The following CLCA1 variants were observed in gnomAD, a reference collection of about 807,000 sequenced individuals.
CLCA1 encodes the protein chloride channel accessory 1.
Under a neutral mutation model 85.6 loss-of-function variants are expected in CLCA1, and 59 were observed. That is an observed-to-expected ratio of 0.69 (90% confidence interval 0.56 to 0.86). CLCA1 has a LOEUF of 0.86. Ranked by LOEUF, CLCA1 falls within the 40% of genes least tolerant of loss-of-function variation. The pLI is 0.00. For missense variants in CLCA1, 1,022 were observed against 1,101.4 expected (o/e 0.93, Z 1.02); for synonymous variants, 396 against 398.3 (o/e 0.99, Z 0.07).
intron 1 of CLCA1, 79 bp downstream of exon 1, chr1:86,469,212 A>G: frequency 1.0e-6 from 1 of 976,154 alleles, no homozygotes. Flanking sequence ...GCCCTATTCC[A>G]GCTGCACGAC....
chr1:86,471,434 A>T (rs1647496976), intron 1 of CLCA1, among the ~76,000 whole-genome samples: 1 of 152,132 alleles, frequency 6.6e-6, no homozygotes, highest in South Asian at 2.1e-4. Context: ...CTAAATATGT[A>T]TTAGGATATG....
Position 86,469,090 on chromosome 1 carries a change from A to G in CLCA1, c.119A>G (p.Asp40Gly), listed in dbSNP as rs1320094890. Reference sequence around the variant, plus strand: ...TATGAAGGCATTGTCGTTGCAATCGACCCCAATGTGCCAGAAGATGAAACA... The same window carrying G: ...TATGAAGGCATTGTCGTTGCAATCGGCCCCAATGTGCCAGAAGATGAAACA... The part of the protein sequence containing the change: ...NGYEGIVVAI[D>G]PNVPEDETLI... The change falls in exon 1 of 14, where the codon GAC becomes GGC. Residue 40 changes from aspartate to glycine, a missense_variant. Transcript: ENST00000394711. 6.2e-7 allele frequency: 1 copy of G among 1,611,756 alleles called. No homozygotes were observed. The highest frequency in any genetic ancestry group is 8.5e-7 in the Non-Finnish European group (1 of 1,178,686).
chr1:86,488,389 C>A (rs1648042890), intron 7 of CLCA1, among the ~76,000 whole-genome samples: 2 of 152,104 alleles, frequency 1.3e-5, no homozygotes, highest in African/African-American at 4.8e-5. Context: ...AATAAATAAT[C>A]CAAATATACC....
Position 86,486,516 on chromosome 1 carries a change from C to T in CLCA1, c.955-10C>T, listed in dbSNP as rs201143830. 6.0e-5 allele frequency: 96 copies of T among 1,611,550 alleles called. No individual in the cohort carries two copies. The highest frequency in any genetic ancestry group is 7.7e-5 in the Non-Finnish European group (91 of 1,178,774). ...AACGTAACCTGTTTTTCTTTTGCTT[C>T]TCCATTTAGACTGGTAACCGCCTCA... On this transcript the variant is annotated splice_polypyrimidine_tract_variant and intron_variant, in intron 6 of 13. Transcript: ENST00000394711.
chr1:86,482,460 G>T (rs1647845705), intron 5 of CLCA1, 78 bp downstream of exon 5: 1 of 1,349,692 alleles, frequency 7.4e-7, no homozygotes, highest in South Asian at 1.4e-5. Context: ...CTCCAAGGGA[G>T]AATCAAAGTT....
At chr1:86,481,980 C>T (rs1407547080) in intron 4 of CLCA1, among the ~76,000 whole-genome samples, 2 of 152,182 alleles carry the variant, frequency 1.3e-5, no homozygotes, top group African/African-American at 2.4e-5. Flanking sequence ...TTTTCTGCTG[C>T]GTAGAAATAC....
At chr1:86,493,239 T>C in intron 9 of CLCA1, 145 bp from the exon 10 acceptor site, 1 of 644,384 alleles carries the variant, frequency 1.6e-6, no homozygotes, top group South Asian at 1.9e-5. Context: ...TAGAACTGCA[T>C]CATAATTGCT....
chr1:86,485,371 A>G lies in CLCA1; in HGVS notation c.764A>G (p.His255Arg). The change falls in exon 6 of 14, where the codon CAC becomes CGC. Residue 255 changes from histidine to arginine, a missense_variant. By Grantham distance (29) the His-to-Arg change is conservative. Coordinates refer to ENST00000394711, the MANE Select transcript of CLCA1 (RefSeq NM_001285.4). Reference sequence around the variant, plus strand: ...GTTGAATTCTGTACAGAACAAAACCACAACAAAGAAGCTCCAAACAAGCAA... The same window carrying G: ...GTTGAATTCTGTACAGAACAAAACCGCAACAAAGAAGCTCCAAACAAGCAA... ...SIVEFCTEQN[H>R]NKEAPNKQNQ... 6.8e-6 allele frequency: 11 copies of G among 1,614,092 alleles called. No individual in the cohort carries two copies. Among genetic ancestry groups the G allele is most frequent in the East Asian group, 2.2e-5 (1 of 44,884 alleles).
At chr1:86,499,609 TTAA>T (rs1250438669) in intron 13 of CLCA1, 42 bp from the exon 14 acceptor site, 3 of 1,306,454 alleles carry the variant, frequency 2.3e-6, no homozygotes, top group Non-Finnish European at 3.2e-6. Context: ...AGAAGTTTCT[TTAA>T]TATTTCAGAA....
At chr1:86,476,650 T>G in intron 4 of CLCA1, 97 bp downstream of exon 4, 1 of 546,920 alleles carries the variant, frequency 1.8e-6, no homozygotes, top group Non-Finnish European at 3.3e-6. Flanking sequence ...CCTGGCTTAT[T>G]TTCTAATTCA....
At chr1:86,479,542 G>A (rs1304297223) in intron 4 of CLCA1, among the ~76,000 whole-genome samples, 1 of 151,974 alleles carries the variant, frequency 6.6e-6, no homozygotes, top group African/African-American at 2.4e-5. Flanking sequence ...AAGTAATAAA[G>A]GGAATTCTTA....
Position 86,489,257 on chromosome 1 carries a change from G to A in CLCA1, c.1357+87G>A, listed in dbSNP as rs544041117. The A allele has an allele frequency of 4.7e-6, 6 of 1,267,256 alleles. No individual in the cohort carries two copies. The East Asian group carries it at 1.5e-4, about 31-fold the overall frequency. The allele number at this position is 1,267,256 out of a possible 1,614,324, so 78.5% of individuals were successfully genotyped here. A position where few individuals can be genotyped will look rare whatever the true frequency, so the allele number is the denominator to read the frequency against. On this transcript the variant is annotated intron_variant, in intron 8 of 13. Transcript: ENST00000394711. ...GAACTGGGGAGTGGGGGAAAGATGG[G>A]ATGGAGAGAGATAGGATAACCTAAT...
chr1:86,483,210 G>A (rs1403283083), intron 5 of CLCA1, among the ~76,000 whole-genome samples: 1 of 152,146 alleles, frequency 6.6e-6, no homozygotes. Context: ...ACTTCCAGGA[G>A]GAGGCCCAGA....
intron 4 of CLCA1, among the ~76,000 whole-genome samples, chr1:86,481,768 A>G (rs997906451): frequency 6.6e-6 from 1 of 152,220 alleles, no homozygotes; most frequent in African/African-American, 2.4e-5. Context: ...AAACATTTAA[A>G]ATACCTATGA....
intron 4 of CLCA1, 32 bp downstream of exon 4, chr1:86,476,585 C>G (rs772814592): frequency 1.8e-6 from 2 of 1,140,706 alleles, no homozygotes; most frequent in South Asian, 1.3e-5. Flanking sequence ...TTGTTCCAAA[C>G]TATTTTAAAT....
rs752629168 is a variant in CLCA1 at position 86,494,380 on chromosome 1, G to A, written c.1874G>A (p.Ser625Asn). ...GGAGCCTCCCCAATTCTCAGGGCCA[G>A]TGTCACAGCCCTGATTGAATCAGTG... ...RQGASPILRA[S>N]VTALIESVNG... Residue 625 changes from serine (S) to asparagine (N), a missense_variant, in exon 11 of 14, where the codon AGT (serine) becomes AAT (asparagine). Physicochemically the swap from Ser to Asn is conservative, Grantham distance 46. Transcript: ENST00000394711. 12 of 1,614,008 alleles carry A rather than the reference G, an allele frequency of 7.4e-6. No individual in the cohort carries two copies. In the South Asian group the frequency reaches 1.2e-4, roughly 16 times the overall value.
At chr1:86,481,812 A>C (rs1319526515) in intron 4 of CLCA1, among the ~76,000 whole-genome samples, 2 of 152,124 alleles carry the variant, frequency 1.3e-5, no homozygotes, top group Non-Finnish European at 2.9e-5. Context: ...CATGTGAAAT[A>C]AACTAATCAG....
chr1:86,469,891 T>A (rs1297926662), intron 1 of CLCA1, among the ~76,000 whole-genome samples: 1 of 152,206 alleles, frequency 6.6e-6, no homozygotes, highest in Non-Finnish European at 1.5e-5. Flanking sequence ...AATATCTCCC[T>A]TATCAGATTT....
chr1:86,483,535 C>G (rs942774235), intron 5 of CLCA1, among the ~76,000 whole-genome samples: 2 of 151,840 alleles, frequency 1.3e-5, no homozygotes, highest in Admixed American at 6.6e-5. Flanking sequence ...AAAAAAAAAT[C>G]CCCCACAGGC....
Sources: gnomAD v4.1 joint callset for allele counts (sites outside exome capture counted in the v4.1 genomes callset) on GRCh38, gnomAD v4.1.1 for gene constraint, MANE v1.5 for transcripts, NCBI Gene and HGNC (gene_info 2026-07-23, HGNC 2026-07-21) for gene names.